SH3GL2: variants seen among roughly 807,000 people sequenced by gnomAD.
SH3GL2 encodes SH3 domain containing GRB2 like 2, endophilin A1, also known as endophilin-A1.
In SH3GL2, 24 loss-of-function variants were observed where a neutral mutation model predicts 46.0. The observed-to-expected ratio is 0.52, with a 90% CI of 0.38 to 0.73. The LOEUF (loss-of-function observed/expected upper bound fraction) is 0.73, where lower values mean the gene tolerates loss of function less well. Ranked by LOEUF, SH3GL2 falls within the 30% of genes least tolerant of loss-of-function variation. SH3GL2 has a pLI of 0.00. For missense variants in SH3GL2, 413 were observed against 424.2 expected, an observed-to-expected ratio of 0.97 and a Z score of 0.23; for synonymous variants, 196 against 147.1, an observed-to-expected ratio of 1.33 and a Z score of -2.40.
chr9:17,703,858 T>C (rs1415896266), intron 1 of SH3GL2, among the ~76,000 whole-genome samples: 1 of 151,776 alleles, frequency 6.6e-6, no homozygotes, highest in Non-Finnish European at 1.5e-5. Flanking sequence ...TACTGAATGA[T>C]GAAAGCATTC....
chr9:17,677,148 T>C (rs1417584102), intron 1 of SH3GL2, among the ~76,000 whole-genome samples: 1 of 151,046 alleles, frequency 6.6e-6, no homozygotes, highest in Non-Finnish European at 1.5e-5. Flanking sequence ...TATTCTGACT[T>C]GGTCTCTGTG....
At chr9:17,689,827 C>G (rs1340959783) in intron 1 of SH3GL2, among the ~76,000 whole-genome samples, 2 of 152,048 alleles carry the variant, frequency 1.3e-5, no homozygotes, top group African/African-American at 2.4e-5. Context: ...TGTTCTTTGT[C>G]TTCATAATAC....
At chr9:17,762,384 T>C (rs570497412) in intron 3 of SH3GL2, among the ~76,000 whole-genome samples, 3 of 136,374 alleles carry the variant, frequency 2.2e-5, no homozygotes, top group African/African-American at 5.6e-5. Context: ...TACTGAGCAA[T>C]AGTGGACAAG....
chr9:17,605,429 C>G (rs1818744757), intron 1 of SH3GL2, among the ~76,000 whole-genome samples: 1 of 152,008 alleles, frequency 6.6e-6, no homozygotes, highest in African/African-American at 2.4e-5. Context: ...CATTTGTGCT[C>G]AAGAAAAATT....
chr9:17,606,679 C>G (rs1281497635), intron 1 of SH3GL2, among the ~76,000 whole-genome samples: 1 of 152,168 alleles, frequency 6.6e-6, no homozygotes, highest in Non-Finnish European at 1.5e-5. Context: ...GCTGGATATC[C>G]TTTAACTACC....
intron 1 of SH3GL2, among the ~76,000 whole-genome samples, chr9:17,673,925 G>A (rs16935873): frequency 0.051 from 7,719 of 152,192 alleles, 655 homozygotes; most frequent in African/African-American, 0.17. Flanking sequence ...GGCATCCTGT[G>A]TCTATCTCTA....
At chr9:17,723,996 G>C (rs1354092951) in intron 1 of SH3GL2, among the ~76,000 whole-genome samples, 1 of 152,134 alleles carries the variant, frequency 6.6e-6, no homozygotes, top group East Asian at 1.9e-4. Context: ...GTAATTCATT[G>C]AGCTTCTTTG....
chr9:17,752,611 C>T (rs953965980), intron 2 of SH3GL2, among the ~76,000 whole-genome samples: 1 of 152,094 alleles, frequency 6.6e-6, no homozygotes, highest in African/African-American at 2.4e-5. Flanking sequence ...GATTCTCCTG[C>T]CTCAGCCTCT....
chr9:17,621,660 A>G, intron 1 of SH3GL2, among the ~76,000 whole-genome samples: 1 of 152,196 alleles, frequency 6.6e-6, no homozygotes, highest in East Asian at 1.9e-4. Flanking sequence ...TTTTGTGCCA[A>G]AGCCTGGCTC....
chr9:17,679,014 A>G (rs1011331566), intron 1 of SH3GL2, among the ~76,000 whole-genome samples: 6 of 152,150 alleles, frequency 3.9e-5, no homozygotes, highest in African/African-American at 1.2e-4. Flanking sequence ...TACCAGTACC[A>G]TGCTGTTTTG....
chr9:17,790,914 A>C (rs146752839), intron 6 of SH3GL2, among the ~76,000 whole-genome samples: 1 of 152,308 alleles, frequency 6.6e-6, no homozygotes, highest in East Asian at 1.9e-4. Flanking sequence ...AGAATAAAAG[A>C]AGTCAAATCC....
chr9:17,770,646 C>T (rs1411948155), intron 3 of SH3GL2, among the ~76,000 whole-genome samples: 4 of 152,306 alleles, frequency 2.6e-5, no homozygotes, highest in African/African-American at 7.2e-5. Context: ...GACCAAGTCA[C>T]ATTATGTGAG....
intron 1 of SH3GL2, among the ~76,000 whole-genome samples, chr9:17,696,333 C>T (rs1400964224): frequency 6.6e-5 from 10 of 152,106 alleles, no homozygotes; most frequent in African/African-American, 1.9e-4. Flanking sequence ...GTGAAGAAAA[C>T]GGTTTTATAA....
At chr9:17,744,453 C>T (rs954335095) in intron 1 of SH3GL2, among the ~76,000 whole-genome samples, 4 of 151,940 alleles carry the variant, frequency 2.6e-5, no homozygotes, top group South Asian at 4.2e-4. Flanking sequence ...GTGGCCTCAA[C>T]CTCCTGAGCT....
chr9:17,622,776 T>C (rs532175960), intron 1 of SH3GL2, among the ~76,000 whole-genome samples: 6 of 152,250 alleles, frequency 3.9e-5, no homozygotes, highest in South Asian at 4.2e-4. Context: ...AAGTAAAGAA[T>C]AATGGATCCT....
intron 1 of SH3GL2, among the ~76,000 whole-genome samples, chr9:17,637,812 A>T (rs1433372844): frequency 6.6e-6 from 1 of 152,218 alleles, no homozygotes; most frequent in Non-Finnish European, 1.5e-5. Flanking sequence ...TGATAAACTC[A>T]GTCAGACACT....
chr9:17,776,462 C>G (rs1306980906), intron 3 of SH3GL2, among the ~76,000 whole-genome samples: 1 of 152,174 alleles, frequency 6.6e-6, no homozygotes, highest in Non-Finnish European at 1.5e-5. Flanking sequence ...GGCTTTCCTA[C>G]AAATGTCTGT....
At chr9:17,761,099 C>T (rs1823156026) in intron 2 of SH3GL2, among the ~76,000 whole-genome samples, 1 of 152,204 alleles carries the variant, frequency 6.6e-6, no homozygotes, top group South Asian at 2.1e-4. Flanking sequence ...TGCCTCCATG[C>T]CTGACCCACT....
chr9:17,619,085 G>T (rs770173963), intron 1 of SH3GL2, among the ~76,000 whole-genome samples: 1 of 152,166 alleles, frequency 6.6e-6, no homozygotes, highest in Non-Finnish European at 1.5e-5. Context: ...AGCACTTTAT[G>T]TGCAGTAACT....
Sources: allele counts gnomAD v4.1 joint callset (sites outside exome capture counted in the v4.1 genomes callset), GRCh38; gene constraint gnomAD v4.1.1; transcripts MANE v1.5; gene names NCBI Gene and HGNC (gene_info 2026-07-23, HGNC 2026-07-21).